Variants in PHC2 observed in about 807,000 individuals in gnomAD.
PHC2 encodes polyhomeotic-like protein 2.
In PHC2, 29 loss-of-function variants were observed where a neutral mutation model predicts 87.4. The observed-to-expected ratio is 0.33, with a 90% confidence interval of 0.25 to 0.45. The LOEUF (loss-of-function observed/expected upper bound fraction) is 0.45. Among genes scored for constraint, PHC2 ranks in the 20% least tolerant of loss-of-function variants. The pLI, the probability that PHC2 is intolerant of heterozygous loss-of-function variation, is 1.00. For synonymous variants in PHC2, 438 were observed against 461.7 expected (o/e 0.95, Z 0.66); for missense variants, 857 against 1,136.7 (o/e 0.75, Z 3.54).
rs770701950 is a variant in PHC2, at chr1:33,368,971, C to A, written c.577-349G>T. ...CTCATCCTAGAGGAGACCGATATCC[C>A]CAGGATACGCTGAAGCCACCACCTC... On this transcript the variant is annotated intron_variant, in intron 5 of 14. Coordinates refer to ENST00000683057, the MANE Select transcript of PHC2 (RefSeq NM_001385109.1). The surrounding 1 kb of genome is among the most constrained non-coding windows in gnomAD (Gnocchi z 6.6). Among the ~76,000 whole-genome samples the A allele has an allele frequency of 7.2e-5, 11 of 152,088 alleles. No individual in the cohort carries two copies. The highest frequency in any genetic ancestry group is 1.3e-4 in the Non-Finnish European group (9 of 67,984).
rs1369906326 is a variant in PHC2, at chr1:33,364,206, G to A, written c.976+2910C>T. Among the ~76,000 whole-genome samples, 1 of 151,978 alleles carries A rather than the reference G, an allele frequency of 6.6e-6. No homozygotes were observed. The highest frequency in any genetic ancestry group is 2.4e-5 in the African/African-American group (1 of 41,372). ...TGCTCTGGGAGGAAACAGCCCCCAG[G>A]AGAACACATTCCTCACTGCCATACC... On this transcript the variant is annotated intron_variant, in intron 7 of 14. Transcript: ENST00000683057. The surrounding 1 kb of genome is among the most constrained non-coding windows in gnomAD (Gnocchi z 4.1).
chr1:33,360,075 C>G (rs1411953917), intron 7 of PHC2, among the ~76,000 whole-genome samples: 1 of 152,204 alleles, frequency 6.6e-6, no homozygotes, highest in African/African-American at 2.4e-5. Context: ...TTAGAAAACC[C>G]TAAAGCAATA....
chr1:33,373,267 G>A (rs760822886), intron 2 of PHC2, among the ~76,000 whole-genome samples: 1 of 152,062 alleles, frequency 6.6e-6, no homozygotes, highest in Non-Finnish European at 1.5e-5. Flanking sequence ...ACAGGTGCCC[G>A]CCACCACACC....
intron 1 of PHC2, among the ~76,000 whole-genome samples, 169 bp downstream of exon 1, chr1:33,430,807 T>A (rs1190043071): frequency 6.7e-6 from 1 of 150,118 alleles, no homozygotes; most frequent in Non-Finnish European, 1.5e-5. Flanking sequence ...CGCCTGTCCG[T>A]GCCCATGGCA....
intron 1 of PHC2, among the ~76,000 whole-genome samples, chr1:33,420,949 A>G (rs1447860910): frequency 6.6e-6 from 1 of 152,216 alleles, no homozygotes; most frequent in Non-Finnish European, 1.5e-5. Context: ...CATCTGTAAG[A>G]TGGAAATGAC....
chr1:33,388,653 T>C (rs762098546), intron 1 of PHC2, among the ~76,000 whole-genome samples: 1 of 151,950 alleles, frequency 6.6e-6, no homozygotes, highest in East Asian at 1.9e-4. Context: ...TTGGGAAAAG[T>C]AAATAAGAAA....
intron 1 of PHC2, among the ~76,000 whole-genome samples, chr1:33,426,642 C>G (rs1650683586): frequency 6.6e-6 from 1 of 152,180 alleles, no homozygotes; most frequent in South Asian, 2.1e-4. Flanking sequence ...TCTCTATTCT[C>G]TTCATATTGA....
intron 13 of PHC2, 100 bp downstream of exon 13, chr1:33,329,971 G>A (rs10914684): frequency 0.3 from 400,842 of 1,317,810 alleles, 64,253 homozygotes; most frequent in Admixed American, 0.37. Flanking sequence ...AGCAGAGTGC[G>A]CTGAAGTCGG....
chr1:33,396,791 A>G (rs1401510876), intron 1 of PHC2, among the ~76,000 whole-genome samples: 1 of 152,128 alleles, frequency 6.6e-6, no homozygotes, highest in Non-Finnish European at 1.5e-5. Context: ...GTTTTCACAA[A>G]AATTTGAGGT....
chr1:33,357,127 A>G (rs542053891), intron 7 of PHC2, among the ~76,000 whole-genome samples: 3 of 152,364 alleles, frequency 2.0e-5, no homozygotes, highest in Admixed American at 6.5e-5. Flanking sequence ...TGCCCTCCAC[A>G]GAGACTTCCA....
chr1:33,408,697 C>T (rs1649865657), intron 1 of PHC2, among the ~76,000 whole-genome samples: 1 of 152,118 alleles, frequency 6.6e-6, no homozygotes, highest in African/African-American at 2.4e-5. Flanking sequence ...GAACTCCTAA[C>T]CTTGTGATCT....
chr1:33,376,137 C>T (rs553795242), intron 1 of PHC2, among the ~76,000 whole-genome samples: 66 of 152,256 alleles, frequency 4.3e-4, no homozygotes, highest in African/African-American at 1.2e-3. Context: ...CGGGTTCAAG[C>T]GATTCTCGTG....
chr1:33,367,207 A>G lies in PHC2; in HGVS notation c.885T>C (p.Asp295=). The G allele has an allele frequency of 6.2e-7, 1 of 1,614,146 alleles. No homozygotes were observed. Among genetic ancestry groups the G allele is most frequent in the Non-Finnish European group, 8.5e-7 (1 of 1,180,034 alleles). Residue 295 remains aspartate (D), a synonymous_variant, in exon 7 of 15, where the codon GAT becomes GAC. Transcript: ENST00000683057. ...TGCTCCCTGGCACACTGCTGTTGCC[A>G]TCTCCTTTCTTGTGTGGCTCCATCA... ...DSVMEPHKKG[D]GNSSVPGSME...
chr1:33,330,615 G>A (rs574190150), intron 12 of PHC2, among the ~76,000 whole-genome samples: 1 of 152,284 alleles, frequency 6.6e-6, no homozygotes, highest in East Asian at 1.9e-4. Flanking sequence ...GGGGAATGAG[G>A]GCTGAAGATA....
Position 33,334,057 on chromosome 1 carries a change from TAAAAAA to T in PHC2, c.1761+27_1761+32del, listed in dbSNP as rs754412417. The T allele has an allele frequency of 3.4e-5, 44 of 1,309,218 alleles. No homozygotes were observed. Among genetic ancestry groups the T allele is most frequent in the Non-Finnish European group, 4.5e-5 (43 of 960,586 alleles). The allele number at this position is 1,309,218 out of a possible 1,614,324, so 81.1% of individuals were successfully genotyped here. ...TTCTAAGACACATCCAAAATATACT[TAAAAAA>T]AAAAGGGGAAAAGAAGTAGTCCGTA... On this transcript the variant is annotated intron_variant, in intron 10 of 14. Transcript: ENST00000683057. This position sits in a 1 kb window ranked among gnomAD's most constrained non-coding sequence, Gnocchi z 5.5.
intron 7 of PHC2, among the ~76,000 whole-genome samples, chr1:33,359,796 C>G (rs1327993860): frequency 6.6e-6 from 1 of 152,180 alleles, no homozygotes; most frequent in African/African-American, 2.4e-5. Context: ...ACAAAAGGAA[C>G]AGCATTCGGG....
rs141285527 is a variant in PHC2 at position 33,324,848 on chromosome 1, C to T, written c.*17G>A. ...GGGAGGAGGCGCCCTGGGCCAGAAT[C>T]CTGGCTGCCACCAGCCCTAGGAGTC... On this transcript the variant is annotated 3_prime_UTR_variant, in exon 15 of 15. Transcript: ENST00000683057. The T allele has an allele frequency of 5.0e-4, 807 of 1,600,420 alleles. 5 individuals are homozygous for T. The African/African-American group carries it at 9.7e-3, about 19-fold the overall frequency.
chr1:33,389,604 G>A (rs768901155), intron 1 of PHC2, among the ~76,000 whole-genome samples: 14 of 152,098 alleles, frequency 9.2e-5, no homozygotes, highest in Non-Finnish European at 1.8e-4. Flanking sequence ...CAATTCCAGA[G>A]TCCCCTGGGC....
At chr1:33,345,705 G>A in intron 9 of PHC2, 4 of 984,604 alleles carry the variant, frequency 4.1e-6, no homozygotes, top group Non-Finnish European at 3.6e-6. Flanking sequence ...CTGGACTTTT[G>A]TTACTGATGG....
Sources: allele counts gnomAD v4.1 joint callset (sites outside exome capture counted in the v4.1 genomes callset), GRCh38; gene constraint gnomAD v4.1.1; non-coding constraint Gnocchi (gnomAD v3.1); transcripts MANE v1.5; gene names NCBI Gene and HGNC (gene_info 2026-07-23, HGNC 2026-07-21).